LRRC9: variants seen among roughly 807,000 people sequenced by gnomAD.
The protein encoded by LRRC9 is leucine rich repeat containing 9, also known as leucine-rich repeat-containing protein 9.
LRRC9 carries 122 observed loss-of-function variants against 63.2 expected under a neutral mutation model. That is an observed-to-expected ratio of 1.93 (90% confidence interval 1.67 to 2.24). The LOEUF (loss-of-function observed/expected upper bound fraction) is 2.24. Ranked by LOEUF, LRRC9 falls within the 30% of genes most tolerant of loss-of-function variation. The pLI is 0.00. For missense variants in LRRC9, 1,071 were observed against 627.7 expected (o/e 1.71, Z -7.55); for synonymous variants, 366 against 213.1 (o/e 1.72, Z -6.25).
At chr14:60,048,164 A>T (rs1417550990) in intron 29 of LRRC9, among the ~76,000 whole-genome samples, 1 of 152,184 alleles carries the variant, frequency 6.6e-6, no homozygotes, top group Admixed American at 6.6e-5. Flanking sequence ...GGGAATTTAT[A>T]GCACTAAATG....
chr14:60,003,990 G>GTA lies in LRRC9; in HGVS notation c.2842+201_2842+202dup, dbSNP rs1889604356. 1.3e-5 allele frequency among the ~76,000 whole-genome samples: 2 copies of GTA among 152,032 alleles called. No homozygotes were observed. The highest frequency in any genetic ancestry group is 4.8e-5 in the African/African-American group (2 of 41,398). ...TAGCTAGATTGGACCATTCTACAAT[G>GTA]TATATATATACTTCAAAACATCATG... is the stretch of plus-strand genomic sequence containing the variant. On this transcript the variant is annotated intron_variant, in intron 21 of 31. Transcript: ENST00000445360. The surrounding 1 kb of genome is among the most constrained non-coding windows in gnomAD (Gnocchi z 4.2).
chr14:59,935,312 T>C (rs1219712376), intron 6 of LRRC9, among the ~76,000 whole-genome samples: 1 of 151,194 alleles, frequency 6.6e-6, no homozygotes, highest in Non-Finnish European at 1.5e-5. Flanking sequence ...AAAAAAGATA[T>C]AATTGTAATT....
intron 29 of LRRC9, among the ~76,000 whole-genome samples, chr14:60,039,486 T>C (rs1040198612): frequency 2.0e-4 from 31 of 152,224 alleles, no homozygotes; most frequent in Admixed American, 3.3e-4. Flanking sequence ...CCTGGTTTAG[T>C]CTTGGGAGGG....
In LRRC9 at chr14:60,009,415, A is replaced by G. The variant is rs561303203; in HGVS notation, c.3186+1201A>G. 2.0e-5 allele frequency among the ~76,000 whole-genome samples: 3 copies of G among 152,308 alleles called. No individual in the cohort carries two copies. In the South Asian group the frequency reaches 6.2e-4, roughly 32 times the overall value. ...TGTGCAAAGGAACTCCCCTTTATAA[A>G]ACCATCAGATCTCATGAGACTTATT... On this transcript the variant is annotated intron_variant, in intron 23 of 31. Transcript: ENST00000445360.
At chr14:59,979,962 TATA>T (rs1225722845) in intron 15 of LRRC9, among the ~76,000 whole-genome samples, 1 of 151,956 alleles carries the variant, frequency 6.6e-6, no homozygotes, top group Non-Finnish European at 1.5e-5. Flanking sequence ...ATACTTAAAG[TATA>T]ATAATAATAA....
intron 13 of LRRC9, among the ~76,000 whole-genome samples, chr14:59,976,199 TG>T (rs1402886122): frequency 5.3e-5 from 8 of 152,178 alleles, no homozygotes; most frequent in Non-Finnish European, 1.0e-4. Flanking sequence ...TACATTATGG[TG>T]AGTTATATAA....
At chr14:60,064,779 ATCT>A (rs1393626803), downstream of LRRC9, among the ~76,000 whole-genome samples, 8 of 152,284 alleles carry the variant, frequency 5.3e-5, no homozygotes, top group East Asian at 7.7e-4. Flanking sequence ...AATTGGCATC[ATCT>A]TCTTTTTTTC....
intron 8 of LRRC9, among the ~76,000 whole-genome samples, chr14:59,956,538 C>G (rs142718196): frequency 6.6e-6 from 1 of 152,082 alleles, no homozygotes; most frequent in African/African-American, 2.4e-5. Context: ...TGTCTTTGCA[C>G]GTGAGAGGGG....
Position 59,936,393 on chromosome 14 carries a change from C to A in LRRC9, c.544-1997C>A, listed in dbSNP as rs1443626563. ...TTTTATCTCTAACCTTTCCTCCTAC[C>A]CTAAGAAGATAACTATCTTATCATG... On this transcript the variant is annotated intron_variant, in intron 6 of 31. Coordinates refer to ENST00000445360, the Ensembl canonical transcript of LRRC9. This position sits in a 1 kb window ranked among gnomAD's most constrained non-coding sequence, Gnocchi z 4.2. 1.3e-5 allele frequency among the ~76,000 whole-genome samples: 2 copies of A among 152,060 alleles called. No individual in the cohort carries two copies. Among genetic ancestry groups the A allele is most frequent in the Non-Finnish European group, 2.9e-5 (2 of 68,022 alleles).
chr14:59,978,549 G>A (rs1444124541), intron 15 of LRRC9, among the ~76,000 whole-genome samples: 2 of 151,938 alleles, frequency 1.3e-5, no homozygotes, highest in Admixed American at 1.3e-4. Context: ...GTAGAAACAA[G>A]GTCTAAGTAT....
rs952751290 is a variant in LRRC9 at position 59,938,347 on chromosome 14, G to A, written c.544-43G>A. ...GTGTTCAAATACTGCCTTTAGAAAT[G>A]ACAGTCACAATTAACTGAACATTAT... On this transcript the variant is annotated intron_variant, in intron 6 of 31. Coordinates refer to ENST00000445360, the Ensembl canonical transcript of LRRC9. The surrounding 1 kb of genome is among the most constrained non-coding windows in gnomAD (Gnocchi z 4.2). 1 of 618,422 alleles carries A rather than the reference G, an allele frequency of 1.6e-6. No homozygotes were observed. Among genetic ancestry groups the A allele is most frequent in the Non-Finnish European group, 2.9e-6 (1 of 344,024 alleles). 38.3% of individuals were successfully genotyped at this position (618,422 alleles called of 1,614,324 possible).
In LRRC9 at chr14:60,058,062, TAATTTGA is replaced by T. The variant is rs1255106147; in HGVS notation, c.4276+44_4276+50del. On this transcript the variant is annotated intron_variant, in intron 31 of 31. Transcript: ENST00000445360. This position sits in a 1 kb window ranked among gnomAD's most constrained non-coding sequence, Gnocchi z 4.4. Reference sequence around the variant, plus strand: ...TCAGATAGAATGTAAAAGAATCACTTAATTTGAAATAAAAATATCACTTTAATTTCTA... The same window carrying T: ...TCAGATAGAATGTAAAAGAATCACTTAATAAAAATATCACTTTAATTTCTA... 1 of 514,374 alleles carries T rather than the reference TAATTTGA, an allele frequency of 1.9e-6. No individual in the cohort carries two copies. Among genetic ancestry groups the T allele is most frequent in the Admixed American group, 2.8e-5 (1 of 35,990 alleles). The allele number at this position is 514,374 out of a possible 1,614,324, so 31.9% of individuals were successfully genotyped here.
At position 60,003,809 on chromosome 14, in the gene LRRC9, TAAGAACTTTG is replaced by T; in HGVS notation, c.2842+15_2842+24del. ...TCTCAAAGATAGAAGGTAAGGTACTTAAGAACTTTGAAGTCTCAAAATATGGGATGTCTAA... is the reference window on the plus strand; with the variant it reads ...TCTCAAAGATAGAAGGTAAGGTACTTAAGTCTCAAAATATGGGATGTCTAA... On this transcript the variant is annotated intron_variant, in intron 21 of 31. Transcript: ENST00000445360. This position sits in a 1 kb window ranked among gnomAD's most constrained non-coding sequence, Gnocchi z 4.2. 1 of 569,764 alleles carries T rather than the reference TAAGAACTTTG, an allele frequency of 1.8e-6. No individual in the cohort carries two copies. The highest frequency in any genetic ancestry group is 3.1e-6 in the Non-Finnish European group (1 of 323,200). The allele number at this position is 569,764 out of a possible 1,614,324, so 35.3% of individuals were successfully genotyped here. A position where few individuals can be genotyped will look rare whatever the true frequency, so the allele number is the denominator to read the frequency against.
At position 60,053,052 on chromosome 14, in the gene LRRC9, T is replaced by C; in HGVS notation, c.3991-13T>C. 1 of 690,580 alleles carries C rather than the reference T, an allele frequency of 1.4e-6. No individual in the cohort carries two copies. The highest frequency in any genetic ancestry group is 2.6e-6 in the Non-Finnish European group (1 of 379,052). 42.8% of individuals were successfully genotyped at this position (690,580 alleles called of 1,614,324 possible). A position where few individuals can be genotyped will look rare whatever the true frequency, so the allele number is the denominator to read the frequency against. ...TTTTGTAGGAATAAATTGTTATTTT[T>C]AACTTTATTCAGATTTGTAGAAAAA... is the stretch of plus-strand genomic sequence containing the variant. On this transcript the variant is annotated splice_polypyrimidine_tract_variant and intron_variant, in intron 29 of 31. Transcript: ENST00000445360. This position sits in a 1 kb window ranked among gnomAD's most constrained non-coding sequence, Gnocchi z 4.8.
intron 30 of LRRC9, among the ~76,000 whole-genome samples, chr14:60,056,998 T>G (rs907300500): frequency 3.3e-5 from 5 of 152,150 alleles, no homozygotes; most frequent in Non-Finnish European, 7.4e-5. Context: ...GAAACTCCCA[T>G]AAAGGAATTC....
At chr14:60,044,739 G>A (rs1893261256) in intron 29 of LRRC9, among the ~76,000 whole-genome samples, 1 of 152,158 alleles carries the variant, frequency 6.6e-6, no homozygotes, top group South Asian at 2.1e-4. Context: ...TCCATGTGCT[G>A]TTGAAAAGAA....
At chr14:59,974,778 C>T in intron 13 of LRRC9, 70 bp downstream of exon 13, 1 of 528,888 alleles carries the variant, frequency 1.9e-6, no homozygotes, top group East Asian at 3.2e-5. Context: ...ATTTTTATAT[C>T]GTTTCTGATA....
At chr14:60,064,927 G>C (rs1377489417), downstream of LRRC9, among the ~76,000 whole-genome samples, 1 of 152,052 alleles carries the variant, frequency 6.6e-6, no homozygotes, top group African/African-American at 2.4e-5. Flanking sequence ...AATATATAAA[G>C]CAGAAAAAAC....
intron 8 of LRRC9, among the ~76,000 whole-genome samples, chr14:59,947,431 C>G (rs1228703572): frequency 8.0e-5 from 10 of 124,318 alleles, no homozygotes; most frequent in Non-Finnish European, 1.5e-4. Context: ...GAGTAGGTTG[C>G]AAAAATTTTC....
Sources: allele counts gnomAD v4.1 joint callset (sites outside exome capture counted in the v4.1 genomes callset), GRCh38; gene constraint gnomAD v4.1.1; non-coding constraint Gnocchi (gnomAD v3.1); transcripts MANE v1.5; gene names NCBI Gene and HGNC (gene_info 2026-07-23, HGNC 2026-07-21).